ST8SIA6: variants seen among roughly 807,000 people sequenced by gnomAD.
The protein encoded by ST8SIA6 is ST8 alpha-N-acetyl-neuraminide alpha-2,8-sialyltransferase 6.
A neutral mutation model predicts 33.6 loss-of-function variants in ST8SIA6; 39 were observed. The ratio of observed to expected loss-of-function variants is 1.16; its 90% CI spans 0.90 to 1.52. ST8SIA6 has a LOEUF of 1.52. Among genes scored for constraint, ST8SIA6 ranks in the 40% most tolerant of loss-of-function variants. The probability of loss-of-function intolerance (pLI) is 0.00; values close to 1 mark genes in which losing one functional copy is unlikely to be tolerated. For missense variants in ST8SIA6, 441 were observed against 443.8 expected, an observed-to-expected ratio of 0.99 and a Z score of 0.06; for synonymous variants, 172 against 167.2, an observed-to-expected ratio of 1.03 and a Z score of -0.22.
rs762902224 is a variant in ST8SIA6 at position 17,453,522 on chromosome 10, C to T, written c.200+37G>A. On this transcript the variant is annotated intron_variant, in intron 2 of 7. Coordinates refer to ENST00000377602, the MANE Select transcript of ST8SIA6 (RefSeq NM_001004470.3). ...GCGCCCCATGCCCGGCTCGCAGCTCCCGAGCCCCAGTCCGCCCGCGCTGGG... is the reference window on the plus strand; with the variant it reads ...GCGCCCCATGCCCGGCTCGCAGCTCTCGAGCCCCAGTCCGCCCGCGCTGGG... 8 of 1,272,036 alleles carry T rather than the reference C, an allele frequency of 6.3e-6. No homozygotes were observed. The Admixed American group carries it at 1.2e-4, about 19-fold the overall frequency. 78.8% of individuals were successfully genotyped at this position (1,272,036 alleles called of 1,614,324 possible).
intron 2 of ST8SIA6, among the ~76,000 whole-genome samples, chr10:17,402,256 G>A (rs924563424): frequency 0.033 from 4,960 of 152,190 alleles, 86 homozygotes; most frequent in South Asian, 0.055. Flanking sequence ...TTAGAATGGC[G>A]ATCATTAAAA....
intron 4 of ST8SIA6, among the ~76,000 whole-genome samples, chr10:17,352,117 A>T (rs1429682048): frequency 6.6e-6 from 1 of 152,174 alleles, no homozygotes; most frequent in Non-Finnish European, 1.5e-5. Flanking sequence ...TCCACAGTGT[A>T]TGCATATATC....
intron 2 of ST8SIA6, among the ~76,000 whole-genome samples, chr10:17,419,900 A>G (rs910545194): frequency 3.3e-5 from 5 of 152,230 alleles, no homozygotes; most frequent in African/African-American, 9.7e-5. Context: ...TGAATCTGAT[A>G]TCATGCAGTC....
At chr10:17,410,304 C>T (rs1354030230) in intron 2 of ST8SIA6, 1 of 152,206 alleles carries the variant, frequency 6.6e-6, no homozygotes, top group Non-Finnish European at 1.5e-5. Context: ...TGATATGTCT[C>T]ATCGTACTGA....
chr10:17,376,827 G>A (rs1050093342), intron 3 of ST8SIA6, among the ~76,000 whole-genome samples: 21 of 152,132 alleles, frequency 1.4e-4, no homozygotes, highest in African/African-American at 4.8e-4. Context: ...ATATTCAAGG[G>A]AAGAGGATGG....
At chr10:17,333,258 A>C (rs112702126) in intron 4 of ST8SIA6, among the ~76,000 whole-genome samples, 3,646 of 152,274 alleles carry the variant, frequency 0.024, 56 homozygotes, top group African/African-American at 0.041. Context: ...AAACAAATGG[A>C]AAAACATTCT....
intron 3 of ST8SIA6, among the ~76,000 whole-genome samples, chr10:17,363,144 T>G (rs1444595759): frequency 6.6e-6 from 1 of 152,236 alleles, no homozygotes; most frequent in Non-Finnish European, 1.5e-5. Context: ...CTTTTCCTAT[T>G]TACAAATCTC....
chr10:17,385,435 T>C (rs1173788152), intron 3 of ST8SIA6, among the ~76,000 whole-genome samples: 1 of 152,150 alleles, frequency 6.6e-6, no homozygotes. Flanking sequence ...GCAATAAAGC[T>C]TTTTAATCGC....
At chr10:17,403,750 C>G (rs1023688553) in intron 2 of ST8SIA6, 5 of 152,060 alleles carry the variant, frequency 3.3e-5, no homozygotes, top group African/African-American at 1.2e-4. Flanking sequence ...ATGTAAGAAT[C>G]CTTATATGCC....
At chr10:17,360,234 C>A (rs1022071024) in intron 3 of ST8SIA6, among the ~76,000 whole-genome samples, 1 of 152,074 alleles carries the variant, frequency 6.6e-6, no homozygotes, top group Non-Finnish European at 1.5e-5. Flanking sequence ...TTAGTCTTTG[C>A]GTTCTCATTT....
chr10:17,362,034 G>A (rs1588840487), intron 3 of ST8SIA6, among the ~76,000 whole-genome samples: 1 of 152,148 alleles, frequency 6.6e-6, no homozygotes, highest in Non-Finnish European at 1.5e-5. Context: ...AAACACCTAT[G>A]GCTAGGATCA....
chr10:17,328,449 A>G (rs755989273), intron 5 of ST8SIA6, among the ~76,000 whole-genome samples: 1 of 152,086 alleles, frequency 6.6e-6, no homozygotes, highest in African/African-American at 2.4e-5. Context: ...TTTCAATTCA[A>G]TGGTGCGCTT....
rs537044009 is a variant in ST8SIA6, at chr10:17,384,414, C to T, written c.290+6117G>A. ...GTAAAAAATAATTATTCATGCTGCA[C>T]TATATACAAATAATTAGGCCAAGTA... On this transcript the variant is annotated intron_variant, in intron 3 of 7. Coordinates refer to ENST00000377602, the MANE Select transcript of ST8SIA6 (RefSeq NM_001004470.3). 3.9e-5 allele frequency among the ~76,000 whole-genome samples: 6 copies of T among 152,286 alleles called. No homozygotes were observed. The South Asian group carries it at 1.2e-3, about 32-fold the overall frequency.
intron 2 of ST8SIA6, among the ~76,000 whole-genome samples, chr10:17,398,846 C>T (rs927849646): frequency 3.3e-5 from 5 of 152,104 alleles, no homozygotes; most frequent in African/African-American, 1.2e-4. Flanking sequence ...ACAGGCTGAC[C>T]TGCCCCTGGG....
At chr10:17,431,353 C>T (rs533467192) in intron 2 of ST8SIA6, among the ~76,000 whole-genome samples, 1 of 152,196 alleles carries the variant, frequency 6.6e-6, no homozygotes, top group African/African-American at 2.4e-5. Flanking sequence ...CTTCACAGTG[C>T]TGTTTTAAAA....
At chr10:17,439,180 A>G (rs1852381838) in intron 2 of ST8SIA6, among the ~76,000 whole-genome samples, 1 of 151,856 alleles carries the variant, frequency 6.6e-6, no homozygotes, top group East Asian at 1.9e-4. Context: ...TCAGATTCAT[A>G]TCTCAAGTGT....
chr10:17,360,920 G>GAA (rs1849363337), intron 3 of ST8SIA6, among the ~76,000 whole-genome samples: 2 of 148,840 alleles, frequency 1.3e-5, no homozygotes, highest in Non-Finnish European at 1.5e-5. Context: ...GAGGAAGAAG[G>GAA]GAAGAAGAAG....
In ST8SIA6 at chr10:17,389,626, G is replaced by A. The variant is rs564833733; in HGVS notation, c.290+905C>T. ...AGCAAACCCTCTAAAATATAGGATT[G>A]TAAGCAGCGCAGGGGAAGCTGAGGG... On this transcript the variant is annotated intron_variant, in intron 3 of 7. Transcript: ENST00000377602. Among the ~76,000 whole-genome samples, 18 of 152,296 alleles carry A rather than the reference G, an allele frequency of 1.2e-4. No individual in the cohort carries two copies. The East Asian group carries it at 3.5e-3, about 29-fold the overall frequency.
chr10:17,323,477 C>T (rs1313984112), intron 6 of ST8SIA6, among the ~76,000 whole-genome samples: 1 of 148,320 alleles, frequency 6.7e-6, no homozygotes, highest in African/African-American at 2.5e-5. Context: ...TCACTGCAAC[C>T]TCCGCCTCTC....
Sources: gnomAD v4.1 joint callset for allele counts (sites outside exome capture counted in the v4.1 genomes callset) on GRCh38, gnomAD v4.1.1 for gene constraint, MANE v1.5 for transcripts, NCBI Gene and HGNC (gene_info 2026-07-23, HGNC 2026-07-21) for gene names.